The following ABHD2 variants were observed in gnomAD, a reference collection of about 807,000 sequenced individuals.
ABHD2 encodes the protein abhydrolase domain containing 2, acylglycerol lipase.
In ABHD2, 20 loss-of-function variants were observed where a neutral mutation model predicts 48.1. The observed-to-expected ratio is 0.42, with a 90% CI of 0.29 to 0.60. The LOEUF (loss-of-function observed/expected upper bound fraction) is 0.60, where lower values mean the gene tolerates loss of function less well. Ranked by LOEUF, ABHD2 falls within the 20% of genes least tolerant of loss-of-function variation. The pLI, the probability that ABHD2 is intolerant of heterozygous loss-of-function variation, is 0.24. For synonymous variants in ABHD2, 209 were observed against 214.2 expected, an observed-to-expected ratio of 0.98 and a Z score of 0.21; for missense variants, 405 against 550.9, an observed-to-expected ratio of 0.74 and a Z score of 2.65.
rs543777438 is a variant in ABHD2, at chr15:89,176,391, C to T, written c.722+396C>T. ...AAGCTGGGCCTTGGGATCCCAGATC[C>T]CTCCTTCCTGCAAGAGATGAGTCCC... On this transcript the variant is annotated intron_variant, in intron 6 of 10. Transcript: ENST00000352732. This position sits in a 1 kb window ranked among gnomAD's most constrained non-coding sequence, Gnocchi z 4.5. 6.6e-6 allele frequency among the ~76,000 whole-genome samples: 1 copy of T among 152,262 alleles called. No homozygotes were observed. The highest frequency in any genetic ancestry group is 2.1e-4 in the South Asian group (1 of 4,826).
the ABHD2 span, among the ~76,000 whole-genome samples, chr15:89,071,931 G>A: frequency 2.6e-5 from 4 of 152,164 alleles, no homozygotes; most frequent in Non-Finnish European, 5.9e-5. Flanking sequence ...TTATTGTAGG[G>A]TGACCAACCT....
At chr15:89,048,335 T>C in the ABHD2 span, among the ~76,000 whole-genome samples, 2 of 152,186 alleles carry the variant, frequency 1.3e-5, no homozygotes, top group Non-Finnish European at 2.9e-5. Context: ...CTTAACATTT[T>C]TCCTTCATTT....
At chr15:89,160,545 A>G (rs1197980122) in intron 5 of ABHD2, among the ~76,000 whole-genome samples, 4 of 148,486 alleles carry the variant, frequency 2.7e-5, no homozygotes, top group Non-Finnish European at 5.9e-5. Context: ...GTCCAGTTCC[A>G]TGTTGAGTTT....
At position 89,155,427 on chromosome 15, in the gene ABHD2, G is replaced by T. The variant is rs757210313; in HGVS notation, c.431G>T (p.Arg144Leu). 9 of 1,613,982 alleles carry T rather than the reference G, an allele frequency of 5.6e-6. No homozygotes were observed. In the Admixed American group the frequency reaches 1.5e-4, roughly 27 times the overall value. The change falls in exon 5 of 11, where the codon CGC becomes CTC. Residue 144 changes from arginine (R) to leucine (L), a missense_variant. Coordinates refer to ENST00000352732, the MANE Select transcript of ABHD2 (RefSeq NM_152924.5). This position sits in a 1 kb window ranked among gnomAD's most constrained non-coding sequence, Gnocchi z 4.9. ...IANHSEKQYI[R>L]TFVDYAQKNG... ...AATCACAGCGAGAAGCAATACATCC[G>T]CACTTTCGTTGACTACGCCCAGAAA...
At position 89,175,412 on chromosome 15, in the gene ABHD2, C is replaced by T. The variant is rs1186391482; in HGVS notation, c.539-400C>T. On this transcript the variant is annotated intron_variant, in intron 5 of 10. Coordinates refer to ENST00000352732, the MANE Select transcript of ABHD2 (RefSeq NM_152924.5). This position sits in a 1 kb window ranked among gnomAD's most constrained non-coding sequence, Gnocchi z 5.7. ...AGAGGTGGGGTCTCACCATTTTGTCCAGGCTGGCCTAGCTTTTATTTAGGT... is the reference window on the plus strand; with the variant it reads ...AGAGGTGGGGTCTCACCATTTTGTCTAGGCTGGCCTAGCTTTTATTTAGGT... 6.6e-6 allele frequency among the ~76,000 whole-genome samples: 1 copy of T among 152,002 alleles called. No homozygotes were observed. The highest frequency in any genetic ancestry group is 1.5e-5 in the Non-Finnish European group (1 of 67,998).
At chr15:89,152,886 G>C (rs906604555) in intron 4 of ABHD2, among the ~76,000 whole-genome samples, 5 of 152,176 alleles carry the variant, frequency 3.3e-5, no homozygotes, top group African/African-American at 9.7e-5. Flanking sequence ...GAATGCTATT[G>C]CTACCAAAAG....
upstream of ABHD2, among the ~76,000 whole-genome samples, chr15:89,086,406 G>A (rs1486018736): frequency 6.6e-6 from 1 of 152,092 alleles, no homozygotes; most frequent in African/African-American, 2.4e-5. Flanking sequence ...ACTTATTTAT[G>A]TTTATCATGT....
At chr15:89,130,970 G>A (rs564586250) in intron 3 of ABHD2, among the ~76,000 whole-genome samples, 32 of 152,154 alleles carry the variant, frequency 2.1e-4, no homozygotes, top group African/African-American at 7.5e-4. Flanking sequence ...CCTGTGTCAC[G>A]TGGGCCTCCT....
rs1355750620 is a variant in ABHD2 at position 89,195,124 on chromosome 15, C to A, written c.1082-103C>A. ...AGAGGTTGGATGCCCACTTAGGTGA[C>A]CCTGCGGGGACAGCCAGGCTACCCT... is the stretch of plus-strand genomic sequence containing the variant. On this transcript the variant is annotated intron_variant, in intron 10 of 10. Transcript: ENST00000352732. This position sits in a 1 kb window ranked among gnomAD's most constrained non-coding sequence, Gnocchi z 5.1. 2 of 1,356,176 alleles carry A rather than the reference C, an allele frequency of 1.5e-6. No homozygotes were observed. The highest frequency in any genetic ancestry group is 1.5e-5 in the African/African-American group (1 of 68,732). The allele number at this position is 1,356,176 out of a possible 1,614,324, so 84.0% of individuals were successfully genotyped here. A position where few individuals can be genotyped will look rare whatever the true frequency, so the allele number is the denominator to read the frequency against.
Position 89,201,780 on chromosome 15 carries a change from GT to G in ABHD2, c.*6358del. On this transcript the variant is annotated 3_prime_UTR_variant, in exon 11 of 11. Coordinates refer to ENST00000352732, the MANE Select transcript of ABHD2 (RefSeq NM_152924.5). ...GACCAGGATCTGCTCGTGCTTCGCC[GT>G]GGCCCCGGAGGCAGACGCCATTGGA... 1.3e-6 allele frequency: 2 copies of G among 1,482,428 alleles called. No homozygotes were observed. The highest frequency in any genetic ancestry group is 9.4e-7 in the Non-Finnish European group (1 of 1,062,972). 91.8% of individuals were successfully genotyped at this position (1,482,428 alleles called of 1,614,324 possible).
intron 5 of ABHD2, among the ~76,000 whole-genome samples, chr15:89,158,150 C>T (rs964489657): frequency 1.3e-5 from 2 of 152,164 alleles, no homozygotes; most frequent in Admixed American, 6.5e-5. Context: ...GCACCAGACA[C>T]AGTACTGATG....
the ABHD2 span, among the ~76,000 whole-genome samples, chr15:89,072,039 A>C: frequency 6.6e-6 from 1 of 152,230 alleles, no homozygotes; most frequent in Non-Finnish European, 1.5e-5. Context: ...CTGGTCACCC[A>C]AGCTGTAAGA....
intron 3 of ABHD2, among the ~76,000 whole-genome samples, chr15:89,119,461 C>T (rs1359148389): frequency 6.6e-6 from 1 of 152,208 alleles, no homozygotes; most frequent in Non-Finnish European, 1.5e-5. Context: ...TCTCTTTTGT[C>T]CGCGTTACTA....
the ABHD2 span, among the ~76,000 whole-genome samples, chr15:89,078,222 C>T: frequency 6.6e-5 from 10 of 152,192 alleles, no homozygotes; most frequent in African/African-American, 2.4e-4. Flanking sequence ...GAAACTAATG[C>T]AATAACCTGT....
the ABHD2 span, among the ~76,000 whole-genome samples, chr15:89,047,695 T>G: frequency 2.6e-5 from 4 of 151,256 alleles, no homozygotes; most frequent in African/African-American, 9.8e-5. Flanking sequence ...TTAAAGTCTG[T>G]TTTATCAGAG....
intron 1 of ABHD2, among the ~76,000 whole-genome samples, chr15:89,096,364 A>G (rs1223881205): frequency 6.6e-6 from 1 of 152,274 alleles, no homozygotes; most frequent in Non-Finnish European, 1.5e-5. Flanking sequence ...CTGTTTGTGC[A>G]TTTTAAGAAA....
At chr15:89,148,000 T>C (rs1355316852) in intron 3 of ABHD2, among the ~76,000 whole-genome samples, 1 of 150,636 alleles carries the variant, frequency 6.6e-6, no homozygotes, top group Non-Finnish European at 1.5e-5. Context: ...GTGCCTGTAA[T>C]CTGAGCTTCT....
At position 89,184,742 on chromosome 15, in the gene ABHD2, G is replaced by A. The variant is rs1242576920; in HGVS notation, c.723-682G>A. On this transcript the variant is annotated intron_variant, in intron 6 of 10. Transcript: ENST00000352732. The surrounding 1 kb of genome is among the most constrained non-coding windows in gnomAD (Gnocchi z 5.1). ...CACCTGCCTACTGCCGCCATTGAAG[G>A]GTCAGAGTGTGGCCCTCACAGCCAC... Among the ~76,000 whole-genome samples, 1 of 152,192 alleles carries A rather than the reference G, an allele frequency of 6.6e-6. No individual in the cohort carries two copies. The highest frequency in any genetic ancestry group is 1.5e-5 in the Non-Finnish European group (1 of 68,020).
the ABHD2 span, among the ~76,000 whole-genome samples, chr15:89,057,146 TCAGGTGATCCG>T: frequency 6.6e-6 from 1 of 152,054 alleles, no homozygotes; most frequent in Admixed American, 6.6e-5. Flanking sequence ...ACTCCTGACC[TCAGGTGATCCG>T]CCTGCGTCAG....
Sources: gnomAD v4.1 joint callset for allele counts (sites outside exome capture counted in the v4.1 genomes callset) on GRCh38, gnomAD v4.1.1 for gene constraint, Gnocchi (gnomAD v3.1) non-coding constraint, MANE v1.5 for transcripts, NCBI Gene and HGNC (gene_info 2026-07-23, HGNC 2026-07-21) for gene names.